CBR4: variants seen among roughly 807,000 people sequenced by gnomAD.
CBR4 encodes the protein carbonyl reductase 4.
Under a neutral mutation model 21.0 loss-of-function variants are expected in CBR4, and 22 were observed. That is an observed-to-expected ratio of 1.05 (90% CI 0.75 to 1.50). CBR4 has a LOEUF of 1.50. Among genes scored for constraint, CBR4 ranks in the 40% most tolerant of loss-of-function variants. The pLI, the probability that CBR4 is intolerant of heterozygous loss-of-function variation, is 0.00. For synonymous variants in CBR4, 100 were observed against 104.4 expected (o/e 0.96, Z 0.26); for missense variants, 302 against 286.3 (o/e 1.05, Z -0.40).
chr4:169,007,835 C>G (rs913345000), intron 1 of CBR4, 79 bp from the exon 2 acceptor site: 13 of 1,043,824 alleles, frequency 1.2e-5, no homozygotes, highest in Non-Finnish European at 1.7e-5. Flanking sequence ...AAGCATCTAT[C>G]TAAGATGGCA....
chr4:168,894,995 G>A (rs10030960), intron 2 of CBR4, among the ~76,000 whole-genome samples: 102,721 of 152,012 alleles, frequency 0.68, 36,319 homozygotes, highest in East Asian at 0.96. Flanking sequence ...ACACATTTTC[G>A]CCGACATTGT....
rs551597573 is a variant in CBR4, at chr4:168,924,507, A to G, written n.170-29742T>C. The G allele has an allele frequency of 1.3e-3, 1,702 of 1,278,140 alleles. 41 individuals are homozygous for G. The South Asian group carries it at 0.02, about 15-fold the overall frequency. 79.2% of individuals were successfully genotyped at this position (1,278,140 alleles called of 1,614,324 possible). A position where few individuals can be genotyped will look rare whatever the true frequency, so the allele number is the denominator to read the frequency against. ...TACATTTTATATAGCATGGAAATCT[A>G]TGTGTAAAAGCCACATAGATGTTTT... On this transcript the variant is annotated intron_variant and non_coding_transcript_variant, in intron 2 of 3. Transcript: ENST00000509108.
intron 2 of CBR4, among the ~76,000 whole-genome samples, chr4:168,976,912 G>A (rs909887916): frequency 1.3e-5 from 2 of 152,202 alleles, no homozygotes; most frequent in African/African-American, 4.8e-5. Flanking sequence ...CAGGTCACAG[G>A]GGATATGATG....
chr4:168,953,765 A>G (rs868437499), intron 2 of CBR4, among the ~76,000 whole-genome samples: 16 of 152,252 alleles, frequency 1.1e-4, no homozygotes, highest in Admixed American at 3.3e-4. Flanking sequence ...CTAAGAAGAT[A>G]GCCAAAGATT....
At chr4:168,916,487 C>CTTTAT (rs1183206845) in intron 2 of CBR4, among the ~76,000 whole-genome samples, 4 of 43,966 alleles carry the variant, frequency 9.1e-5, no homozygotes, top group African/African-American at 2.5e-4. Flanking sequence ...TACTATGATT[C>CTTTAT]TTTAAATCTA....
At chr4:168,999,636 C>CA (rs35396431) in intron 4 of CBR4, among the ~76,000 whole-genome samples, 6,713 of 77,152 alleles carry the variant, frequency 0.087, 217 homozygotes, top group Middle Eastern at 0.16. Context: ...CCACCACTTT[C>CA]AAAAAAAAAA....
intron 2 of CBR4, among the ~76,000 whole-genome samples, chr4:168,956,606 A>T (rs1057174791): frequency 6.7e-6 from 1 of 148,684 alleles, no homozygotes; most frequent in African/African-American, 2.5e-5. Flanking sequence ...TCAAAAAAAA[A>T]AAAAAAAAAA....
chr4:168,994,152 T>C (rs1032639008), intron 4 of CBR4, among the ~76,000 whole-genome samples: 1 of 152,222 alleles, frequency 6.6e-6, no homozygotes, highest in Admixed American at 6.5e-5. Flanking sequence ...TAAGCATTCT[T>C]TCTATAGATG....
At chr4:168,927,145 C>T (rs1042222677) in intron 2 of CBR4, 1 of 228,466 alleles carries the variant, frequency 4.4e-6, no homozygotes, top group Admixed American at 5.7e-5. Context: ...CCACAGAAAG[C>T]ATCCAAACCA....
At chr4:169,004,630 A>G (rs1730744990) in intron 3 of CBR4, among the ~76,000 whole-genome samples, 1 of 152,238 alleles carries the variant, frequency 6.6e-6, no homozygotes, top group African/African-American at 2.4e-5. Flanking sequence ...TTGTTTTATC[A>G]TGAGATTGCA....
intron 4 of CBR4, among the ~76,000 whole-genome samples, chr4:169,000,929 T>C (rs1366959453): frequency 6.6e-6 from 1 of 152,136 alleles, no homozygotes; most frequent in Non-Finnish European, 1.5e-5. Context: ...AGGACAAAAC[T>C]ATCTAAAGTT....
intron 2 of CBR4, among the ~76,000 whole-genome samples, chr4:168,909,907 T>A (rs1432742521): frequency 1.3e-5 from 2 of 152,166 alleles, no homozygotes; most frequent in East Asian, 3.8e-4. Flanking sequence ...ATACAACTTC[T>A]TAGTTTGGAT....
Position 168,936,118 on chromosome 4 carries a change from G to A in CBR4, n.170-41353C>T, listed in dbSNP as rs534438221. On this transcript the variant is annotated intron_variant and non_coding_transcript_variant, in intron 2 of 3. Coordinates refer to the CBR4 transcript ENST00000509108. ...CAATCTTTGCTGTTCTGCAGCCTCCGCTGGTGATACCCAGGTAAACAGGGT... is the reference window on the plus strand; with the variant it reads ...CAATCTTTGCTGTTCTGCAGCCTCCACTGGTGATACCCAGGTAAACAGGGT... Among the ~76,000 whole-genome samples the A allele has an allele frequency of 3.3e-5, 5 of 152,304 alleles. No homozygotes were observed. In the East Asian group the frequency reaches 5.8e-4, roughly 18 times the overall value.
intron 2 of CBR4, among the ~76,000 whole-genome samples, chr4:168,895,922 T>C (rs999391156): frequency 6.6e-6 from 1 of 152,224 alleles, no homozygotes; most frequent in Non-Finnish European, 1.5e-5. Context: ...TGAAAGTGCA[T>C]TTAAGGCGGG....
intron 2 of CBR4, among the ~76,000 whole-genome samples, chr4:168,939,097 C>T (rs547786339): frequency 2.6e-5 from 4 of 152,306 alleles, no homozygotes; most frequent in East Asian, 3.9e-4. Context: ...AGCTTATCTA[C>T]CACGATCAAG....
exon 3 of CBR4, chr4:168,894,749 T>C (rs1285174771): frequency 6.4e-6 from 10 of 1,565,138 alleles, no homozygotes; most frequent in Middle Eastern, 1.7e-4. Context: ...TTATGGATAC[T>C]GTTCTTGGGA....
intron 4 of CBR4, among the ~76,000 whole-genome samples, chr4:168,994,464 G>A (rs1765084170): frequency 6.6e-6 from 1 of 152,158 alleles, no homozygotes; most frequent in South Asian, 2.1e-4. Context: ...CCAGATTTGG[G>A]GGCCTGATCC....
chr4:169,007,536 A>G (rs1032838513), intron 2 of CBR4, 100 bp downstream of exon 2: 4 of 673,130 alleles, frequency 5.9e-6, no homozygotes, highest in Non-Finnish European at 8.6e-6. Flanking sequence ...TCTCCCAGTT[A>G]GAAGCAAAAT....
Position 168,988,654 on chromosome 4 carries a change from T to G in CBR4, c.*1496A>C. 1.0e-6 allele frequency: 1 copy of G among 984,258 alleles called. No homozygotes were observed. The highest frequency in any genetic ancestry group is 1.2e-6 in the Non-Finnish European group (1 of 828,848). 61.0% of individuals were successfully genotyped at this position (984,258 alleles called of 1,614,324 possible). A position where few individuals can be genotyped will look rare whatever the true frequency, so the allele number is the denominator to read the frequency against. On this transcript the variant is annotated 3_prime_UTR_variant, in exon 5 of 5. Transcript: ENST00000306193. ...ACTTGGTAATGCCTGATAAATTCTG[T>G]ATATTACCACGTCTTGCATTTAATA...
Sources: allele counts gnomAD v4.1 joint callset (sites outside exome capture counted in the v4.1 genomes callset), GRCh38; gene constraint gnomAD v4.1.1; transcripts MANE v1.5; gene names NCBI Gene and HGNC (gene_info 2026-07-23, HGNC 2026-07-21).